The following APBB1IP variants were observed in gnomAD, a reference collection of about 807,000 sequenced individuals.
The protein encoded by APBB1IP is amyloid beta A4 precursor protein-binding family B member 1-interacting protein.
APBB1IP carries 27 observed loss-of-function variants against 64.9 expected under a neutral mutation model. The ratio of observed to expected loss-of-function variants is 0.42; its 90% CI spans 0.31 to 0.57. The LOEUF is 0.57. APBB1IP is among the 20% of genes least tolerant of loss of function. The pLI is 0.20. For missense variants in APBB1IP, 812 were observed against 845.5 expected (o/e 0.96, Z 0.49); for synonymous variants, 392 against 331.0 (o/e 1.18, Z -2.00).
chr10:26,524,555 G>A (rs1307346454), intron 8 of APBB1IP, among the ~76,000 whole-genome samples: 2 of 152,160 alleles, frequency 1.3e-5, no homozygotes, highest in Admixed American at 6.6e-5. Flanking sequence ...ATATATTTCA[G>A]GGAGACAGGA....
At chr10:26,500,751 A>G (rs763177976) in intron 4 of APBB1IP, 68 bp from the exon 5 acceptor site, 1 of 1,445,950 alleles carries the variant, frequency 6.9e-7, no homozygotes, top group Non-Finnish European at 9.4e-7. Flanking sequence ...ATGCTTAAAA[A>G]TTATCTTCTT....
intron 2 of APBB1IP, among the ~76,000 whole-genome samples, chr10:26,488,961 G>T (rs1030356184): frequency 6.6e-6 from 1 of 152,122 alleles, no homozygotes; most frequent in African/African-American, 2.4e-5. Context: ...GGATGCGTCT[G>T]CCACTAAGAA....
intron 2 of APBB1IP, among the ~76,000 whole-genome samples, chr10:26,445,128 AAAAG>A (rs762345104): frequency 0.13 from 13,117 of 101,478 alleles, 897 homozygotes; most frequent in East Asian, 0.25. Flanking sequence ...AGAAAGAAAG[AAAAG>A]AAAGAAAGAA....
chr10:26,533,613 T>A, intron 9 of APBB1IP, 88 bp downstream of exon 9: 1 of 786,476 alleles, frequency 1.3e-6, no homozygotes, highest in Non-Finnish European at 1.9e-6. Context: ...TGGAAAAATC[T>A]AAAGACATAC....
At chr10:26,526,130 A>G (rs1255027772) in intron 8 of APBB1IP, among the ~76,000 whole-genome samples, 1 of 152,198 alleles carries the variant, frequency 6.6e-6, no homozygotes, top group Non-Finnish European at 1.5e-5. Flanking sequence ...GTCACCTGAA[A>G]CCAAAATAGA....
rs1276493371 is a variant in APBB1IP at position 26,438,726 on chromosome 10, G to C, written c.-128G>C. On this transcript the variant is annotated 5_prime_UTR_variant, in exon 2 of 15. Coordinates refer to ENST00000376236, the MANE Select transcript of APBB1IP (RefSeq NM_019043.4). Reference sequence around the variant, plus strand: ...CTGCGCGCTGCGTGGGAAGGGCAGGGCTGACAGCACTTCCTCCCCGGGGCA... The same window carrying C: ...CTGCGCGCTGCGTGGGAAGGGCAGGCCTGACAGCACTTCCTCCCCGGGGCA... 1.3e-5 allele frequency: 2 copies of C among 152,224 alleles called. No homozygotes were observed. The highest frequency in any genetic ancestry group is 2.9e-5 in the Non-Finnish European group (2 of 68,070). 9.4% of individuals were successfully genotyped at this position (152,224 alleles called of 1,614,324 possible).
intron 3 of APBB1IP, among the ~76,000 whole-genome samples, chr10:26,493,004 C>G (rs971974419): frequency 6.6e-6 from 1 of 152,144 alleles, no homozygotes; most frequent in African/African-American, 2.4e-5. Flanking sequence ...AGGCAGACAC[C>G]CCCAGAGCGG....
rs1356437637 is a variant in APBB1IP, at chr10:26,567,282, C to T, written c.1795C>T (p.Pro599Ser). The T allele has an allele frequency of 8.0e-5, 90 of 1,122,532 alleles. No individual in the cohort carries two copies. The highest frequency in any genetic ancestry group is 9.7e-5 in the Non-Finnish European group (89 of 913,244). The allele number at this position is 1,122,532 out of a possible 1,614,324, so 69.5% of individuals were successfully genotyped here. The change falls in exon 15 of 15, where the codon CCC becomes TCC. Residue 599 changes from proline (P) to serine (S), a missense_variant. This residue lies in a region of APBB1IP where 381 missense variants were observed against 352.1 expected (regional missense o/e 1.08). Coordinates refer to ENST00000376236, the MANE Select transcript of APBB1IP (RefSeq NM_019043.4). ...CGCAGGGATCGCGGGCTCAGAGCTG[C>T]CCCCGCCGCCGCCGCCGCCGCCCGC... is the stretch of plus-strand genomic sequence containing the variant. Reference protein sequence around the residue: ...SYAGIAGSELPPPPPPPPAPA... With the variant: ...SYAGIAGSELSPPPPPPPAPA...
At chr10:26,478,193 T>G (rs1835796943) in intron 2 of APBB1IP, among the ~76,000 whole-genome samples, 1 of 152,084 alleles carries the variant, frequency 6.6e-6, no homozygotes, top group African/African-American at 2.4e-5. Context: ...CTAAAGGCAG[T>G]GAGAGAACCG....
intron 2 of APBB1IP, among the ~76,000 whole-genome samples, chr10:26,465,379 C>T (rs1185045738): frequency 6.6e-6 from 1 of 152,100 alleles, no homozygotes; most frequent in Non-Finnish European, 1.5e-5. Flanking sequence ...TTGACATATT[C>T]AAGGACACAA....
intron 8 of APBB1IP, among the ~76,000 whole-genome samples, chr10:26,528,547 T>C (rs1000326088): frequency 1.3e-5 from 2 of 152,202 alleles, no homozygotes; most frequent in East Asian, 3.8e-4. Context: ...TTGTAGTCTC[T>C]TATATCTTCC....
intron 8 of APBB1IP, among the ~76,000 whole-genome samples, chr10:26,527,364 T>C (rs368849203): frequency 2.6e-5 from 4 of 151,990 alleles, no homozygotes; most frequent in South Asian, 2.1e-4. Flanking sequence ...CTGGAAAACA[T>C]AGTGAGATCC....
chr10:26,456,452 A>C (rs1233615864), intron 2 of APBB1IP, among the ~76,000 whole-genome samples: 1 of 152,168 alleles, frequency 6.6e-6, no homozygotes, highest in Non-Finnish European at 1.5e-5. Flanking sequence ...CTATGGAAAA[A>C]TTTAAAAGCC....
intron 2 of APBB1IP, among the ~76,000 whole-genome samples, 200 bp downstream of exon 2, chr10:26,439,053 C>A (rs1835311356): frequency 1.3e-5 from 2 of 152,204 alleles, no homozygotes; most frequent in Non-Finnish European, 2.9e-5. Flanking sequence ...CCACTCTGGA[C>A]CCGGCTCGCG....
In APBB1IP at chr10:26,500,942, A is replaced by T. The variant is rs1346399812; in HGVS notation, c.284A>T (p.His95Leu). 6.2e-7 allele frequency: 1 copy of T among 1,614,200 alleles called. No individual in the cohort carries two copies. The highest frequency in any genetic ancestry group is 1.1e-5 in the South Asian group (1 of 91,080). ...AAAGAGTCCTTGCAGAATCAACATCATTCAGCATCTCTACAAGCATCAATT... is the reference window on the plus strand; with the variant it reads ...AAAGAGTCCTTGCAGAATCAACATCTTTCAGCATCTCTACAAGCATCAATT... ...AQKESLQNQH[H>L]SASLQASIFS... Residue 95 changes from histidine (H) to leucine (L), a missense_variant, in exon 5 of 15, where the codon CAT becomes CTT. By Grantham distance (99) the His-to-Leu change is moderately conservative. Around this residue, in one of 3 missense-constraint regions of APBB1IP, gnomAD observed 394 missense variants for 413.1 expected, o/e 0.95. Transcript: ENST00000376236.
At chr10:26,498,376 G>A (rs993070184) in intron 4 of APBB1IP, among the ~76,000 whole-genome samples, 7 of 152,062 alleles carry the variant, frequency 4.6e-5, no homozygotes, top group African/African-American at 1.4e-4. Flanking sequence ...AGGCAAGGTG[G>A]CGGGCACCTG....
chr10:26,508,616 A>G (rs891716170), intron 6 of APBB1IP, among the ~76,000 whole-genome samples: 7 of 151,148 alleles, frequency 4.6e-5, no homozygotes, highest in Non-Finnish European at 1.0e-4. Context: ...AGCTTACTAA[A>G]TCACATAACT....
At chr10:26,537,706 G>C (rs1422723441) in intron 10 of APBB1IP, among the ~76,000 whole-genome samples, 2 of 152,138 alleles carry the variant, frequency 1.3e-5, no homozygotes, top group African/African-American at 4.8e-5. Flanking sequence ...GCTGAGGCAA[G>C]GTGAATCACT....
intron 8 of APBB1IP, among the ~76,000 whole-genome samples, chr10:26,521,676 G>A (rs1836403245): frequency 6.6e-6 from 1 of 152,142 alleles, no homozygotes; most frequent in African/African-American, 2.4e-5. Context: ...GAAGAAGTTT[G>A]AAAAACCATG....
Sources: allele counts gnomAD v4.1 joint callset (sites outside exome capture counted in the v4.1 genomes callset), GRCh38; gene constraint gnomAD v4.1.1; regional missense constraint gnomAD v4.1.1; transcripts MANE v1.5; gene names NCBI Gene and HGNC (gene_info 2026-07-23, HGNC 2026-07-21).